Variants in CSNK1G1 observed in about 807,000 individuals in gnomAD.
CSNK1G1 encodes the protein casein kinase 1 gamma 1, also known as casein kinase I isoform gamma-1.
CSNK1G1 carries 22 observed loss-of-function variants against 59.6 expected under a neutral mutation model. That is an observed-to-expected ratio of 0.37 (90% confidence interval 0.26 to 0.53). The LOEUF (loss-of-function observed/expected upper bound fraction) is 0.53, where lower values mean the gene tolerates loss of function less well. Ranked by LOEUF, CSNK1G1 falls within the 20% of genes least tolerant of loss-of-function variation. The pLI, the probability that CSNK1G1 is intolerant of heterozygous loss-of-function variation, is 0.89. For synonymous variants in CSNK1G1, 179 were observed against 177.1 expected (o/e 1.01, Z -0.08); for missense variants, 384 against 519.5 (o/e 0.74, Z 2.54).
intron 7 of CSNK1G1, 146 bp from the exon 8 acceptor site, chr15:64,205,095 T>C: frequency 1.8e-6 from 1 of 552,236 alleles, no homozygotes; most frequent in East Asian, 3.1e-5. Flanking sequence ...AAATAAGAAA[T>C]GTAGTAGAAA....
intron 4 of CSNK1G1, among the ~76,000 whole-genome samples, chr15:64,231,346 ATATATTTATATTT>A (rs1175457944): frequency 6.8e-6 from 1 of 147,420 alleles, no homozygotes; most frequent in African/African-American, 2.5e-5. Flanking sequence ...TATATTATAT[ATATATTTATATTT>A]TATATTTATA....
chr15:64,208,895 T>C (rs1444515482), intron 6 of CSNK1G1, among the ~76,000 whole-genome samples: 4 of 151,452 alleles, frequency 2.6e-5, no homozygotes, highest in Non-Finnish European at 5.9e-5. Context: ...TTTTCTTTTT[T>C]TTTTTTTTTT....
chr15:64,215,534 A>G (rs951850878), intron 5 of CSNK1G1, among the ~76,000 whole-genome samples: 1 of 152,222 alleles, frequency 6.6e-6, no homozygotes, highest in South Asian at 2.1e-4. Flanking sequence ...CTTTTAGTAG[A>G]GAAAGAGAAG....
intron 2 of CSNK1G1, among the ~76,000 whole-genome samples, chr15:64,281,023 G>T (rs1894099309): frequency 6.6e-6 from 1 of 151,974 alleles, no homozygotes; most frequent in Admixed American, 6.6e-5. Flanking sequence ...GGGACTACAG[G>T]CACCCGCCAC....
In CSNK1G1 at chr15:64,171,640, C is replaced by T; in HGVS notation, c.*291G>A. The T allele has an allele frequency of 2.1e-6, 1 of 478,946 alleles. No homozygotes were observed. The highest frequency in any genetic ancestry group is 2.8e-5 in the South Asian group (1 of 35,520). 29.7% of individuals were successfully genotyped at this position (478,946 alleles called of 1,614,324 possible). On this transcript the variant is annotated 3_prime_UTR_variant, in exon 12 of 12. Coordinates refer to ENST00000303052, the MANE Select transcript of CSNK1G1 (RefSeq NM_022048.5). This position sits in a 1 kb window ranked among gnomAD's most constrained non-coding sequence, Gnocchi z 4.8. The stretch of plus-strand genomic sequence containing the variant: ...AGTCCTTGAGTTTTTGTGAATGACA[C>T]CTTCACTGTAAACAATGGGAAGGAG...
At chr15:64,287,012 C>A (rs905173886) in intron 2 of CSNK1G1, among the ~76,000 whole-genome samples, 7 of 152,076 alleles carry the variant, frequency 4.6e-5, no homozygotes, top group Non-Finnish European at 2.9e-5. Context: ...TGACTATCAT[C>A]TTTGTATTAT....
intron 2 of CSNK1G1, among the ~76,000 whole-genome samples, chr15:64,287,017 T>C (rs1266899893): frequency 3.3e-5 from 5 of 152,208 alleles, no homozygotes; most frequent in African/African-American, 1.2e-4. Context: ...ATCATCTTTG[T>C]ATTATAATTA....
chr15:64,288,592 AT>A (rs1159611836), intron 2 of CSNK1G1, among the ~76,000 whole-genome samples: 1 of 151,486 alleles, frequency 6.6e-6, no homozygotes, highest in Non-Finnish European at 1.5e-5. Context: ...GTTTGTGTGC[AT>A]GTGTATATAT....
chr15:64,256,586 G>A (rs139933295), intron 3 of CSNK1G1, among the ~76,000 whole-genome samples: 2,143 of 152,266 alleles, frequency 0.014, 35 homozygotes, highest in Non-Finnish European at 0.023. Flanking sequence ...TCAGTCTACA[G>A]ACTACAGAAG....
intron 2 of CSNK1G1, among the ~76,000 whole-genome samples, chr15:64,281,048 T>A (rs1359190651): frequency 6.6e-6 from 1 of 151,898 alleles, no homozygotes; most frequent in Non-Finnish European, 1.5e-5. Flanking sequence ...CCCGGCTAAT[T>A]TTTTGTATTT....
intron 1 of CSNK1G1, among the ~76,000 whole-genome samples, chr15:64,318,176 A>T (rs945908585): frequency 7.2e-5 from 11 of 151,838 alleles, no homozygotes; most frequent in African/African-American, 2.4e-4. Flanking sequence ...ATATATATAT[A>T]TATTTTTAAT....
Position 64,216,133 on chromosome 15 carries a change from G to T in CSNK1G1, c.444+429C>A, listed in dbSNP as rs1248495655. On this transcript the variant is annotated intron_variant, in intron 5 of 11. Coordinates refer to ENST00000303052, the MANE Select transcript of CSNK1G1 (RefSeq NM_022048.5). This position sits in a 1 kb window ranked among gnomAD's most constrained non-coding sequence, Gnocchi z 4.6. ...CTAGCTGCTGGAGAGGCTGAGGCAG[G>T]AGAATCACTTGAGCCTAGGAGTTTG... Among the ~76,000 whole-genome samples, 1 of 152,018 alleles carries T rather than the reference G, an allele frequency of 6.6e-6. No homozygotes were observed. Among genetic ancestry groups the T allele is most frequent in the East Asian group, 1.9e-4 (1 of 5,190 alleles).
intron 2 of CSNK1G1, among the ~76,000 whole-genome samples, chr15:64,264,289 T>C (rs1736483930): frequency 6.6e-6 from 1 of 152,042 alleles, no homozygotes; most frequent in Admixed American, 6.6e-5. Flanking sequence ...AATGGAATAG[T>C]TCCTGGAAAC....
At chr15:64,203,317 G>T in intron 9 of CSNK1G1, 128 bp from the exon 10 acceptor site, 1 of 689,778 alleles carries the variant, frequency 1.4e-6, no homozygotes, top group Non-Finnish European at 2.6e-6. Context: ...GCACTTTCAA[G>T]TTGTCTTGTC....
chr15:64,336,386 T>C (rs1226966031), intron 1 of CSNK1G1, among the ~76,000 whole-genome samples: 1 of 152,222 alleles, frequency 6.6e-6, no homozygotes, highest in Non-Finnish European at 1.5e-5. Flanking sequence ...AGCCCAGGAA[T>C]TCTACTGAAG....
In CSNK1G1 at chr15:64,254,797, G is replaced by T. The variant is rs963357895; in HGVS notation, c.223-3216C>A. Among the ~76,000 whole-genome samples, 3 of 152,160 alleles carry T rather than the reference G, an allele frequency of 2.0e-5. No individual in the cohort carries two copies. In the East Asian group the frequency reaches 5.8e-4, roughly 29 times the overall value. The stretch of plus-strand genomic sequence containing the variant: ...GTGTGCAAAAGTTTTAAATTTTGCT[G>T]AAGTCCAACTTAGCTAGTTTTTTTC... On this transcript the variant is annotated intron_variant, in intron 3 of 11. Coordinates refer to ENST00000303052, the MANE Select transcript of CSNK1G1 (RefSeq NM_022048.5).
Position 64,300,547 on chromosome 15 carries a change from T to C in CSNK1G1, c.-48A>G, listed in dbSNP as rs750914827. ...TATAGTACAGCAAGTAGCTTCAGTA[T>C]GTATACCTCTCTTCAATACAAAAGT... On this transcript the variant is annotated 5_prime_UTR_variant, in exon 2 of 12. Coordinates refer to ENST00000303052, the MANE Select transcript of CSNK1G1 (RefSeq NM_022048.5). 1.9e-6 allele frequency: 3 copies of C among 1,554,552 alleles called. No homozygotes were observed. The highest frequency in any genetic ancestry group is 2.6e-6 in the Non-Finnish European group (3 of 1,148,078).
Position 64,237,812 on chromosome 15 carries a change from A to G in CSNK1G1, c.292+13700T>C, listed in dbSNP as rs142077186. ...AAGCTCTTTTGTGGTACCAACCAGC[A>G]CTGCTTATCTTTTATGAGGGCATAT... is the stretch of plus-strand genomic sequence containing the variant. On this transcript the variant is annotated intron_variant, in intron 4 of 11. Coordinates refer to ENST00000303052, the MANE Select transcript of CSNK1G1 (RefSeq NM_022048.5). 8.4e-3 allele frequency among the ~76,000 whole-genome samples: 1,279 copies of G among 152,294 alleles called. 19 individuals carry two copies. Among genetic ancestry groups the G allele is most frequent in the African/African-American group, 0.029 (1,200 of 41,574 alleles).
chr15:64,302,321 G>A (rs1171441948), intron 1 of CSNK1G1, among the ~76,000 whole-genome samples: 1 of 151,896 alleles, frequency 6.6e-6, no homozygotes, highest in Non-Finnish European at 1.5e-5. Context: ...GGCTGGTCTC[G>A]AACTCCTGAC....
Sources: allele counts gnomAD v4.1 joint callset (sites outside exome capture counted in the v4.1 genomes callset), GRCh38; gene constraint gnomAD v4.1.1; non-coding constraint Gnocchi (gnomAD v3.1); transcripts MANE v1.5; gene names NCBI Gene and HGNC (gene_info 2026-07-23, HGNC 2026-07-21).